The following CSMD1 variants were observed in gnomAD, a reference collection of about 807,000 sequenced individuals.
The protein encoded by CSMD1 is CUB and Sushi multiple domains 1, also known as CUB and sushi domain-containing protein 1.
Under a neutral mutation model 417.5 loss-of-function variants are expected in CSMD1, and 213 were observed. The observed-to-expected ratio is 0.51, with a 90% CI of 0.46 to 0.57. The LOEUF (loss-of-function observed/expected upper bound fraction) is 0.57. Among genes scored for constraint, CSMD1 ranks in the 20% least tolerant of loss-of-function variants. The pLI, the probability that CSMD1 is intolerant of heterozygous loss-of-function variation, is 0.00. For synonymous variants in CSMD1, 2,862 were observed against 1,736.8 expected (o/e 1.65, Z -16.11); for missense variants, 6,923 against 4,529.7 (o/e 1.53, Z -15.17).
rs147284791 is a variant in CSMD1 at position 4,365,961 on chromosome 8, C to T, written c.415+53992G>A. 3.0e-3 allele frequency among the ~76,000 whole-genome samples: 451 copies of T among 152,128 alleles called. 3 individuals carry two copies. The highest frequency in any genetic ancestry group is 9.7e-3 in the African/African-American group (403 of 41,484). On this transcript the variant is annotated intron_variant, in intron 3 of 69. Transcript: ENST00000635120. The stretch of plus-strand genomic sequence containing the variant: ...AATGTTTTTAGGTTCAGGGTATCCA[C>T]GTACAGGTTTGTTCATGGGGAAACT...
At chr8:4,438,563 C>A (rs560193537) in intron 2 of CSMD1, among the ~76,000 whole-genome samples, 1 of 152,144 alleles carries the variant, frequency 6.6e-6, no homozygotes, top group Non-Finnish European at 1.5e-5. Flanking sequence ...TCTAAGCTGA[C>A]GGGAGTGTGG....
intron 5 of CSMD1, among the ~76,000 whole-genome samples, chr8:3,828,667 T>C (rs1045743651): frequency 6.6e-6 from 1 of 152,166 alleles, no homozygotes; most frequent in Admixed American, 6.5e-5. Flanking sequence ...CATCGTCATC[T>C]TTCTACGGAC....
At chr8:4,919,725 G>C (rs1326928791) in intron 1 of CSMD1, among the ~76,000 whole-genome samples, 3 of 152,170 alleles carry the variant, frequency 2.0e-5, no homozygotes, top group East Asian at 1.9e-4. Flanking sequence ...CAATGTGATA[G>C]TATTGGAAGC....
intron 1 of CSMD1, among the ~76,000 whole-genome samples, chr8:4,786,049 G>C (rs1007675810): frequency 6.6e-6 from 1 of 152,084 alleles, no homozygotes; most frequent in Non-Finnish European, 1.5e-5. Context: ...GCCAACATTT[G>C]TACATAAATT....
At chr8:4,946,422 G>A (rs537758320) in intron 1 of CSMD1, among the ~76,000 whole-genome samples, 5 of 152,264 alleles carry the variant, frequency 3.3e-5, no homozygotes, top group African/African-American at 1.2e-4. Context: ...CCATGAAGAT[G>A]GCTTTGGACC....
intron 29 of CSMD1, among the ~76,000 whole-genome samples, chr8:3,216,672 A>G (rs985414708): frequency 1.3e-5 from 2 of 152,102 alleles, no homozygotes; most frequent in African/African-American, 4.8e-5. Flanking sequence ...TTTTTTGCTT[A>G]CAATTTGCCA....
intron 1 of CSMD1, among the ~76,000 whole-genome samples, chr8:4,642,804 C>T (rs533880093): frequency 6.6e-6 from 1 of 152,240 alleles, no homozygotes; most frequent in East Asian, 1.9e-4. Flanking sequence ...TATTCAAAAC[C>T]TCTGTCTGAG....
chr8:3,898,288 C>T lies in CSMD1; in HGVS notation c.818+99615G>A, dbSNP rs371918404. ...AAGCATGAATACAACCAAAAAAAAC[C>T]CAACATTTGAACAATTCAAGGACAA... On this transcript the variant is annotated intron_variant, in intron 5 of 69. Coordinates refer to ENST00000635120, the MANE Select transcript of CSMD1 (RefSeq NM_033225.6). Among the ~76,000 whole-genome samples, 301 of 152,104 alleles carry T rather than the reference C, an allele frequency of 2.0e-3. 1 individual carries two copies. The highest frequency in any genetic ancestry group is 7.0e-3 in the African/African-American group (291 of 41,522).
intron 3 of CSMD1, among the ~76,000 whole-genome samples, chr8:4,214,728 G>C (rs1255089434): frequency 2.0e-5 from 3 of 152,068 alleles, no homozygotes; most frequent in Admixed American, 6.6e-5. Context: ...TCATCACAGA[G>C]AACTACATAT....
intron 1 of CSMD1, among the ~76,000 whole-genome samples, chr8:4,655,234 C>G (rs1228608116): frequency 2.0e-5 from 3 of 151,868 alleles, no homozygotes; most frequent in Non-Finnish European, 4.4e-5. Flanking sequence ...CAAATCTTAC[C>G]TTGGTTGCTA....
intron 48 of CSMD1, among the ~76,000 whole-genome samples, chr8:3,088,119 T>C (rs993825460): frequency 6.6e-6 from 1 of 152,228 alleles, no homozygotes; most frequent in Non-Finnish European, 1.5e-5. Context: ...TAATCATCCC[T>C]CTTTGTAAGG....
At chr8:3,461,035 G>C (rs560946782) in intron 12 of CSMD1, among the ~76,000 whole-genome samples, 1 of 152,280 alleles carries the variant, frequency 6.6e-6, no homozygotes, top group South Asian at 2.1e-4. Flanking sequence ...GAGGATATTT[G>C]AATTTACAGC....
chr8:4,952,293 T>C (rs1421886485), intron 1 of CSMD1, among the ~76,000 whole-genome samples: 1 of 151,938 alleles, frequency 6.6e-6, no homozygotes, highest in African/African-American at 2.4e-5. Context: ...ACAAATATTA[T>C]AATCAAGTTA....
rs1266996878 is a variant in CSMD1 at position 2,949,397 on chromosome 8, G to GAAAA, written c.10315-12_10315-11insTTTT. 7.4e-7 allele frequency: 1 copy of GAAAA among 1,342,398 alleles called. No individual in the cohort carries two copies. Among genetic ancestry groups the GAAAA allele is most frequent in the Non-Finnish European group, 1.0e-6 (1 of 980,016 alleles). The allele number at this position is 1,342,398 out of a possible 1,614,324, so 83.2% of individuals were successfully genotyped here. The stretch of plus-strand genomic sequence containing the variant: ...AAGTCCAGATGACACCTGACACATA[G>GAAAA]GAAAGAAAAGAAAAGAAATAAAAAG... On this transcript the variant is annotated splice_polypyrimidine_tract_variant and intron_variant, in intron 67 of 69. Transcript: ENST00000635120.
At chr8:4,727,240 A>C (rs986267534) in intron 1 of CSMD1, among the ~76,000 whole-genome samples, 1 of 152,174 alleles carries the variant, frequency 6.6e-6, no homozygotes, top group African/African-American at 2.4e-5. Flanking sequence ...GCACCCAAGC[A>C]TTTCTGTTTT....
intron 51 of CSMD1, among the ~76,000 whole-genome samples, chr8:3,027,809 G>C (rs1810050517): frequency 6.6e-6 from 1 of 152,234 alleles, no homozygotes; most frequent in Non-Finnish European, 1.5e-5. Flanking sequence ...GCTGGAAGCA[G>C]AAACACCGTT....
At chr8:3,881,320 G>C (rs773279371) in intron 5 of CSMD1, among the ~76,000 whole-genome samples, 1 of 149,764 alleles carries the variant, frequency 6.7e-6, no homozygotes, top group Non-Finnish European at 1.5e-5. Context: ...AAGCAAAGAA[G>C]ACTGAATATA....
chr8:4,214,742 C>T (rs541093581), intron 3 of CSMD1, among the ~76,000 whole-genome samples: 2 of 152,072 alleles, frequency 1.3e-5, no homozygotes, highest in Non-Finnish European at 2.9e-5. Flanking sequence ...TACATATTCC[C>T]ATATTTGACA....
At chr8:2,943,715 A>C (rs1422393491) in intron 68 of CSMD1, among the ~76,000 whole-genome samples, 1 of 152,188 alleles carries the variant, frequency 6.6e-6, no homozygotes, top group African/African-American at 2.4e-5. Flanking sequence ...GTTTTTGAAG[A>C]GTGTACTAAT....
Sources: allele counts gnomAD v4.1 joint callset (sites outside exome capture counted in the v4.1 genomes callset), GRCh38; gene constraint gnomAD v4.1.1; transcripts MANE v1.5; gene names NCBI Gene and HGNC (gene_info 2026-07-23, HGNC 2026-07-21).